SRCAP: variants seen among roughly 807,000 people sequenced by gnomAD.
SRCAP encodes Snf2 related CREBBP activator protein.
In SRCAP, 46 loss-of-function variants were observed where a neutral mutation model predicts 263.1. The observed-to-expected ratio is 0.17, with a 90% CI of 0.14 to 0.22. The LOEUF (loss-of-function observed/expected upper bound fraction) is 0.22. Among genes scored for constraint, SRCAP ranks in the 10% least tolerant of loss-of-function variants. The probability of loss-of-function intolerance (pLI) is 1.00; values close to 1 mark genes in which losing one functional copy is unlikely to be tolerated. For synonymous variants in SRCAP, 1,813 were observed against 1,662.1 expected, an observed-to-expected ratio of 1.09 and a Z score of -2.21; for missense variants, 3,695 against 4,181.9, an observed-to-expected ratio of 0.88 and a Z score of 3.21.
intron 27 of SRCAP, among the ~76,000 whole-genome samples, chr16:30,731,635 G>A (rs1176735462): frequency 1.3e-5 from 2 of 152,198 alleles, no homozygotes; most frequent in Admixed American, 1.3e-4. Flanking sequence ...GTAGGCTGAG[G>A]TGGGCAGCTC....
chr16:30,713,140 A>G, intron 14 of SRCAP, 68 bp from the exon 15 acceptor site: 2 of 1,506,154 alleles, frequency 1.3e-6, no homozygotes, highest in Admixed American at 1.7e-5. Context: ...TGAGGAGTTT[A>G]GCATGTCTTC....
At chr16:30,730,531 A>G (rs1288322500) in intron 27 of SRCAP, among the ~76,000 whole-genome samples, 2 of 151,896 alleles carry the variant, frequency 1.3e-5, no homozygotes, top group African/African-American at 4.8e-5. Context: ...TCCTGGGTTC[A>G]AGCGATTCTC....
chr16:30,724,639 C>T lies in SRCAP; in HGVS notation c.5215C>T (p.Pro1739Ser), dbSNP rs2053044968. 4 of 1,614,212 alleles carry T rather than the reference C, an allele frequency of 2.5e-6. No homozygotes were observed. The highest frequency in any genetic ancestry group is 3.4e-6 in the Non-Finnish European group (4 of 1,180,028). Residue 1739 changes from proline (P) to serine (S), a missense_variant, in exon 25 of 34, where the codon CCA (proline) becomes TCA (serine). Transcript: ENST00000262518. Reference protein sequence around the residue: ...AQTLSLAPGPPLGPTQTLSLA... With the variant: ...AQTLSLAPGPSLGPTQTLSLA... Reference sequence around the variant, plus strand: ...GACACTGTCTTTGGCACCAGGACCACCACTGGGTCCAACTCAGACGCTGTC... The same window carrying T: ...GACACTGTCTTTGGCACCAGGACCATCACTGGGTCCAACTCAGACGCTGTC...
rs78037619 is a variant in SRCAP at position 30,724,955 on chromosome 16, C to G, written c.5531C>G (p.Ser1844Cys). Residue 1844 changes from serine to cysteine, a missense_variant, in exon 25 of 34, where the codon TCC (serine) becomes TGC (cysteine). By Grantham distance (112) the Ser-to-Cys change is moderately radical (BLOSUM62 -1). Coordinates refer to ENST00000262518, the MANE Select transcript of SRCAP (RefSeq NM_006662.3). The part of the protein sequence containing the change: ...PVTMVSRLPV[S>C]KDEPDTLTLR... ...ACCATGGTATCCCGGCTGCCTGTTT[C>G]CAAGGATGAGCCTGACACACTGACA... 2.6e-4 allele frequency: 425 copies of G among 1,614,218 alleles called. 2 individuals carry two copies. The African/African-American group carries it at 5.1e-3, about 19-fold the overall frequency.
In SRCAP at chr16:30,737,189, A is replaced by G. The variant is rs2151300012; in HGVS notation, c.7149A>G (p.Lys2383=). 5 of 1,614,078 alleles carry G rather than the reference A, an allele frequency of 3.1e-6. No individual in the cohort carries two copies. The highest frequency in any genetic ancestry group is 1.6e-4 in the Middle Eastern group (1 of 6,062). ...GTGGGTHRRS[K]KAKAPERPGT... ...GTGGAGGCACCCACCGGCGCAGTAA[A>G]AAGGCCAAAGCCCCTGAGAGGCCGG... Residue 2383 remains lysine (K), a synonymous_variant, in exon 34 of 34, where the codon AAA becomes AAG. Coordinates refer to ENST00000262518, the MANE Select transcript of SRCAP (RefSeq NM_006662.3).
intron 16 of SRCAP, among the ~76,000 whole-genome samples, chr16:30,714,904 A>G (rs555392294): frequency 2.2e-4 from 34 of 151,610 alleles, no homozygotes; most frequent in Non-Finnish European, 4.1e-4. Context: ...GATTTCTTCA[A>G]CTTCATATTG....
chr16:30,713,386 G>A lies in SRCAP; in HGVS notation c.2300+9G>A. ...CTCCTCAACTTCAACAGGTGGAGATGGAGATGGGGATTCATGGGAGGGTTG... is the reference window on the plus strand; with the variant it reads ...CTCCTCAACTTCAACAGGTGGAGATAGAGATGGGGATTCATGGGAGGGTTG... On this transcript the variant is annotated intron_variant, in intron 15 of 33. Coordinates refer to ENST00000262518, the MANE Select transcript of SRCAP (RefSeq NM_006662.3). 1 of 1,614,046 alleles carries A rather than the reference G, an allele frequency of 6.2e-7. No homozygotes were observed. The highest frequency in any genetic ancestry group is 8.5e-7 in the Non-Finnish European group (1 of 1,179,912).
intron 24 of SRCAP, 41 bp from the exon 25 acceptor site, chr16:30,723,543 G>C (rs1041207824): frequency 6.3e-7 from 1 of 1,577,626 alleles, no homozygotes; most frequent in Non-Finnish European, 8.6e-7. Flanking sequence ...GAAAGGCTCA[G>C]GAAAAGAATT....
chr16:30,712,225 C>T, intron 12 of SRCAP, 37 bp from the exon 13 acceptor site: 1 of 1,596,322 alleles, frequency 6.3e-7, no homozygotes, highest in East Asian at 2.2e-5. Flanking sequence ...ACAAATGCCT[C>T]ATTTCCATTG....
Position 30,723,710 on chromosome 16 carries a change from C to T in SRCAP, c.4286C>T (p.Ser1429Phe). 1.9e-6 allele frequency: 3 copies of T among 1,614,106 alleles called. No homozygotes were observed. Among genetic ancestry groups the T allele is most frequent in the Admixed American group, 1.7e-5 (1 of 60,008 alleles). ...NSSPLASPVS[S>F]TVSVPLSSSL... ...TCTCCCCTTGCTAGTCCTGTGTCCT[C>T]TACAGTCTCAGTTCCATTGTCATCT... Residue 1429 changes from serine to phenylalanine, a missense_variant, in exon 25 of 34, where the codon TCT becomes TTT. Transcript: ENST00000262518.
intron 25 of SRCAP, chr16:30,725,711 A>T (rs1567249209): frequency 6.6e-6 from 1 of 152,176 alleles, no homozygotes; most frequent in Admixed American, 6.5e-5. Context: ...GCCTCTTGCC[A>T]CTTGGTTTTT....
At chr16:30,705,492 G>A (rs775915086) in intron 4 of SRCAP, among the ~76,000 whole-genome samples, 3 of 151,936 alleles carry the variant, frequency 2.0e-5, no homozygotes, top group Non-Finnish European at 4.4e-5. Context: ...TCCGCCTCCC[G>A]GGTTCACAGC....
Position 30,711,972 on chromosome 16 carries a change from G to A in SRCAP, c.1630G>A (p.Glu544Lys), listed in dbSNP as rs1187304003. ...ATCACAGAGCCAAGCAGATGAAGAGGAGGAAGATGATGATTTTGGGGTGGA... is the reference window on the plus strand; with the variant it reads ...ATCACAGAGCCAAGCAGATGAAGAGAAGGAAGATGATGATTTTGGGGTGGA... The part of the protein sequence containing the change: ...AQSQSQADEE[E>K]EDDDFGVEYL... Residue 544 changes from glutamate (E) to lysine (K), a missense_variant, in exon 12 of 34, where the codon GAG (glutamate) becomes AAG (lysine). Physicochemically the swap from Glu to Lys is moderately conservative, Grantham distance 56. Coordinates refer to ENST00000262518, the MANE Select transcript of SRCAP (RefSeq NM_006662.3). The A allele has an allele frequency of 6.2e-7, 1 of 1,613,882 alleles. No homozygotes were observed. The highest frequency in any genetic ancestry group is 8.5e-7 in the Non-Finnish European group (1 of 1,180,024).
intron 4 of SRCAP, among the ~76,000 whole-genome samples, chr16:30,705,722 C>A (rs1441526608): frequency 1.5e-5 from 2 of 135,464 alleles, no homozygotes; most frequent in Non-Finnish European, 3.2e-5. Flanking sequence ...TTTTTTTTTC[C>A]TTGAGACGGA....
chr16:30,716,816 C>G (rs1325423331), intron 18 of SRCAP, among the ~76,000 whole-genome samples: 1 of 152,138 alleles, frequency 6.6e-6, no homozygotes, highest in East Asian at 1.9e-4. Context: ...GGAATGTAAC[C>G]TCATTGTAAG....
chr16:30,737,719 C>T lies in SRCAP; in HGVS notation c.7679C>T (p.Ser2560Phe), dbSNP rs1355084773. ...GAGCTGTGTGCCCAGGCATTGGCAT[C>T]TCCAGAGTCCCTGGAGCTGGCTTCT... is the stretch of plus-strand genomic sequence containing the variant. ...EAELCAQALA[S>F]PESLELASVA... The change falls in exon 34 of 34, where the codon TCT (serine) becomes TTT (phenylalanine). Residue 2560 changes from serine (S) to phenylalanine (F), a missense_variant. Coordinates refer to ENST00000262518, the MANE Select transcript of SRCAP (RefSeq NM_006662.3). The T allele has an allele frequency of 1.2e-6, 2 of 1,614,114 alleles. No homozygotes were observed. Among genetic ancestry groups the T allele is most frequent in the African/African-American group, 1.3e-5 (1 of 74,944 alleles).
At chr16:30,708,774 T>C (rs936401656) in intron 6 of SRCAP, among the ~76,000 whole-genome samples, 1 of 152,196 alleles carries the variant, frequency 6.6e-6, no homozygotes, top group Non-Finnish European at 1.5e-5. Context: ...AGCGATCCTC[T>C]CACTTTGGCC....
At chr16:30,714,250 G>A (rs986900617) in intron 16 of SRCAP, among the ~76,000 whole-genome samples, 1 of 151,746 alleles carries the variant, frequency 6.6e-6, no homozygotes, top group African/African-American at 2.4e-5. Context: ...ATTTTTAGTA[G>A]AGACGGGGTT....
At chr16:30,702,636 C>T (rs970330634) in intron 3 of SRCAP, among the ~76,000 whole-genome samples, 1 of 136,748 alleles carries the variant, frequency 7.3e-6, no homozygotes, top group Non-Finnish European at 1.6e-5. Flanking sequence ...TCCTTCCTTC[C>T]TTCTCTCCCT....
Sources: allele counts gnomAD v4.1 joint callset (sites outside exome capture counted in the v4.1 genomes callset), GRCh38; gene constraint gnomAD v4.1.1; transcripts MANE v1.5; gene names NCBI Gene and HGNC (gene_info 2026-07-23, HGNC 2026-07-21).